Variants in ESRRG observed in about 807,000 individuals in gnomAD.
ESRRG encodes estrogen-related receptor gamma.
ESRRG carries 13 observed loss-of-function variants against 44.0 expected under a neutral mutation model. That is an observed-to-expected ratio of 0.30 (90% CI 0.19 to 0.47). The LOEUF (loss-of-function observed/expected upper bound fraction) is 0.47, where lower values mean the gene tolerates loss of function less well. Among genes scored for constraint, ESRRG ranks in the 20% least tolerant of loss-of-function variants. The pLI, the probability that ESRRG is intolerant of heterozygous loss-of-function variation, is 1.00. For synonymous variants in ESRRG, 215 were observed against 214.6 expected, an observed-to-expected ratio of 1.00 and a Z score of -0.02; for missense variants, 395 against 580.6, an observed-to-expected ratio of 0.68 and a Z score of 3.29.
At chr1:216,584,325 C>T (rs1014378627) in intron 3 of ESRRG, among the ~76,000 whole-genome samples, 5 of 150,386 alleles carry the variant, frequency 3.3e-5, no homozygotes, top group Admixed American at 6.6e-5. Context: ...GGCGTGATCT[C>T]GGCTCACTGC....
intron 1 of ESRRG, among the ~76,000 whole-genome samples, chr1:217,044,365 T>C (rs187013768): frequency 5.6e-4 from 85 of 152,290 alleles, no homozygotes; most frequent in African/African-American, 1.9e-3. Flanking sequence ...ACTCACTGTG[T>C]TCATTAACTA....
At chr1:216,647,784 A>G (rs1053531610) in intron 3 of ESRRG, among the ~76,000 whole-genome samples, 1 of 152,202 alleles carries the variant, frequency 6.6e-6, no homozygotes, top group Admixed American at 6.6e-5. Context: ...CTTTTAATGA[A>G]AACCTCATTT....
intron 1 of ESRRG, among the ~76,000 whole-genome samples, chr1:217,023,386 G>A (rs2150945614): frequency 6.6e-6 from 1 of 152,160 alleles, no homozygotes; most frequent in Non-Finnish European, 1.5e-5. Context: ...CACCTACATG[G>A]CATCCAGAGG....
intron 2 of ESRRG, among the ~76,000 whole-genome samples, chr1:216,923,944 A>T (rs2062173105): frequency 6.6e-6 from 1 of 152,220 alleles, no homozygotes; most frequent in African/African-American, 2.4e-5. Context: ...GGTCTACTCA[A>T]GGAGCAAAGA....
At chr1:216,542,241 C>A (rs2053117385) in intron 5 of ESRRG, among the ~76,000 whole-genome samples, 1 of 151,464 alleles carries the variant, frequency 6.6e-6, no homozygotes, top group Admixed American at 6.6e-5. Flanking sequence ...CTTTTTTGAA[C>A]TATTTTCTAT....
At chr1:216,806,801 G>T (rs931380030) in intron 2 of ESRRG, among the ~76,000 whole-genome samples, 1 of 152,266 alleles carries the variant, frequency 6.6e-6, no homozygotes, top group Admixed American at 6.5e-5. Context: ...ACAGTGTTCG[G>T]CTGCCCTGGG....
At chr1:216,548,183 G>A (rs2149352386) in intron 5 of ESRRG, among the ~76,000 whole-genome samples, 1 of 152,120 alleles carries the variant, frequency 6.6e-6, no homozygotes, top group East Asian at 1.9e-4. Flanking sequence ...GTAAACTTTG[G>A]CTCATTTTCA....
chr1:216,826,665 A>G (rs1227968376), intron 2 of ESRRG, among the ~76,000 whole-genome samples: 2 of 152,166 alleles, frequency 1.3e-5, no homozygotes, highest in African/African-American at 2.4e-5. Flanking sequence ...CAGATAAGGA[A>G]AGTGAGGGGT....
intron 6 of ESRRG, among the ~76,000 whole-genome samples, chr1:216,512,987 C>T (rs1205432397): frequency 6.6e-6 from 1 of 152,170 alleles, no homozygotes; most frequent in Non-Finnish European, 1.5e-5. Flanking sequence ...GAAACGGATT[C>T]TTCCCTAGAG....
chr1:217,125,509 G>A (rs898174287), intron 1 of ESRRG, among the ~76,000 whole-genome samples: 6 of 152,172 alleles, frequency 3.9e-5, no homozygotes, highest in Non-Finnish European at 8.8e-5. Context: ...TTGGTTCCAT[G>A]AGGTCAGGAA....
At chr1:216,658,969 C>T (rs2071516941) in intron 2 of ESRRG, among the ~76,000 whole-genome samples, 1 of 152,054 alleles carries the variant, frequency 6.6e-6, no homozygotes, top group Non-Finnish European at 1.5e-5. Context: ...GTTCAAGTTC[C>T]AGCTCTACCA....
At chr1:217,091,202 G>A (rs2092339269), upstream of ESRRG, among the ~76,000 whole-genome samples, 1 of 152,162 alleles carries the variant, frequency 6.6e-6, no homozygotes, top group Non-Finnish European at 1.5e-5. Flanking sequence ...CGAGCCTGTA[G>A]TTGGCCTTTG....
At chr1:216,761,038 C>G (rs1363118607) in intron 2 of ESRRG, among the ~76,000 whole-genome samples, 1 of 151,942 alleles carries the variant, frequency 6.6e-6, no homozygotes, top group Non-Finnish European at 1.5e-5. Flanking sequence ...CACTGTTGCC[C>G]CTTCCAAAGT....
At chr1:216,624,603 T>G (rs78032581) in intron 3 of ESRRG, among the ~76,000 whole-genome samples, 1,533 of 152,296 alleles carry the variant, frequency 0.01, 13 homozygotes, top group Non-Finnish European at 0.016. Flanking sequence ...GGAAAAAAAC[T>G]GCCATTCTTT....
chr1:216,833,741 C>T (rs952058392), intron 2 of ESRRG, among the ~76,000 whole-genome samples: 3 of 152,192 alleles, frequency 2.0e-5, no homozygotes, highest in African/African-American at 7.2e-5. Context: ...CCATATATCA[C>T]TGTTCATCTG....
At chr1:216,792,148 T>C (rs1053979869) in intron 2 of ESRRG, among the ~76,000 whole-genome samples, 25 of 152,168 alleles carry the variant, frequency 1.6e-4, no homozygotes, top group Admixed American at 6.6e-5. Flanking sequence ...CAAAAGGACC[T>C]ACCTAAGTGC....
chr1:217,018,230 C>A (rs763339842), intron 1 of ESRRG, among the ~76,000 whole-genome samples: 1 of 151,962 alleles, frequency 6.6e-6, no homozygotes, highest in South Asian at 2.1e-4. Context: ...TTAAACTTAT[C>A]ATTCCATTGC....
chr1:216,952,240 T>C (rs995361029), intron 1 of ESRRG, among the ~76,000 whole-genome samples: 2 of 152,190 alleles, frequency 1.3e-5, no homozygotes, highest in African/African-American at 4.8e-5. Context: ...TTAGACTTTC[T>C]ACAACCTCTT....
chr1:216,658,375 T>G (rs2071192053), intron 2 of ESRRG, among the ~76,000 whole-genome samples: 1 of 152,192 alleles, frequency 6.6e-6, no homozygotes, highest in South Asian at 2.1e-4. Context: ...CTTTATCACT[T>G]TAATTCTACA....
Sources: allele counts gnomAD v4.1 joint callset (sites outside exome capture counted in the v4.1 genomes callset), GRCh38; gene constraint gnomAD v4.1.1; transcripts MANE v1.5; gene names NCBI Gene and HGNC (gene_info 2026-07-23, HGNC 2026-07-21).